Variants in DMD observed in about 807,000 individuals in gnomAD.
The protein encoded by DMD is dystrophin.
In DMD, 63 loss-of-function variants were observed where a neutral mutation model predicts 330.1. That is an observed-to-expected ratio of 0.19 (90% confidence interval 0.16 to 0.24). The LOEUF is 0.24. Ranked by LOEUF, DMD falls within the 10% of genes least tolerant of loss-of-function variation. The pLI is 1.00. For missense variants in DMD, 3,344 were observed against 2,684.1 expected, an observed-to-expected ratio of 1.25 and a Z score of -5.43; for synonymous variants, 1,223 against 959.8, an observed-to-expected ratio of 1.27 and a Z score of -5.07.
chrX:32,635,650 G>C (rs1048359993), intron 11 of DMD, among the ~76,000 whole-genome samples: 6 of 111,982 alleles, frequency 5.4e-5, no homozygotes, highest in African/African-American at 2.0e-4. Flanking sequence ...TATGCACATA[G>C]TTTTTTGTTG....
rs1245481335 is a variant in DMD at position 31,198,743 on chromosome X, T to G, written c.9807+5218A>C. Among the ~76,000 whole-genome samples, 3 of 111,960 alleles carry G rather than the reference T, an allele frequency of 2.7e-5. No homozygotes were observed. In the East Asian group the frequency reaches 8.4e-4, roughly 31 times the overall value. On this transcript the variant is annotated intron_variant, in intron 67 of 78. Coordinates refer to ENST00000357033, the MANE Select transcript of DMD (RefSeq NM_004006.3). ...CGTTGATCTTATGGGACCACCATAG[T>G]ATATATGGCCTGTCATTGACCAAAA...
chrX:31,702,557 T>C (rs1056026084), intron 52 of DMD, among the ~76,000 whole-genome samples: 1 of 111,795 alleles, frequency 8.9e-6, no homozygotes, highest in Non-Finnish European at 1.9e-5. Context: ...CTGGCCTCTA[T>C]ATCATTCATC....
rs962291177 is a variant in DMD at position 31,814,298 on chromosome X, A to G, written c.7309+5677T>C. Among the ~76,000 whole-genome samples, 11 of 106,270 alleles carry G rather than the reference A, an allele frequency of 1.0e-4. No individual in the cohort carries two copies. In the South Asian group the frequency reaches 2.5e-3, roughly 25 times the overall value. 92.3% of individuals were successfully genotyped at this position (106,270 alleles called of 115,157 possible). ...AGATCGAGACCATCCTGGCTAACAC[A>G]GTGAAACCCCGTCTCTACTAAAAAA... On this transcript the variant is annotated intron_variant, in intron 50 of 78. Coordinates refer to ENST00000357033, the MANE Select transcript of DMD (RefSeq NM_004006.3).
chrX:32,494,192 A>G (rs765768754), intron 19 of DMD, among the ~76,000 whole-genome samples: 1 of 111,620 alleles, frequency 9.0e-6, no homozygotes, highest in Non-Finnish European at 1.9e-5. Context: ...CATTACACAA[A>G]ACTCTATGTT....
At chrX:31,472,209 T>C (rs1162615002) in intron 59 of DMD, among the ~76,000 whole-genome samples, 1 of 112,222 alleles carries the variant, frequency 8.9e-6, no homozygotes, top group Non-Finnish European at 1.9e-5. Flanking sequence ...ATATCACAAG[T>C]TTATTCAGAG....
At chrX:32,802,661 T>C (rs1421494144) in intron 7 of DMD, among the ~76,000 whole-genome samples, 1 of 111,849 alleles carries the variant, frequency 8.9e-6, no homozygotes, top group African/African-American at 3.3e-5. Flanking sequence ...ATACCTAGTT[T>C]ATTGAAAATT....
At chrX:32,243,771 ATCGAC>A (rs957547489) in intron 43 of DMD, among the ~76,000 whole-genome samples, 85 of 111,529 alleles carry the variant, frequency 7.6e-4, no homozygotes, top group African/African-American at 2.6e-3. Flanking sequence ...TTTCCAGCAC[ATCGAC>A]TCAAGTTAAA....
chrX:32,497,355 T>C (rs1190682732), intron 19 of DMD, among the ~76,000 whole-genome samples: 1 of 112,086 alleles, frequency 8.9e-6, no homozygotes, highest in Non-Finnish European at 1.9e-5. Context: ...TTCTTTAGTC[T>C]AATATACTAA....
At chrX:31,526,430 C>T (rs2073242373) in intron 55 of DMD, among the ~76,000 whole-genome samples, 1 of 111,806 alleles carries the variant, frequency 8.9e-6, no homozygotes, top group Non-Finnish European at 1.9e-5. Context: ...GAACCCCAAA[C>T]TCAAATTTCC....
At chrX:33,077,220 C>T (rs1402039236) in intron 1 of DMD, among the ~76,000 whole-genome samples, 1 of 111,239 alleles carries the variant, frequency 9.0e-6, no homozygotes, top group Non-Finnish European at 1.9e-5. Context: ...GTCCTACAAA[C>T]GCAAGTCCCA....
chrX:32,584,577 T>C (rs1377091746), intron 13 of DMD, among the ~76,000 whole-genome samples: 1 of 112,308 alleles, frequency 8.9e-6, no homozygotes, highest in African/African-American at 3.2e-5. Context: ...AAAGTAATTC[T>C]ATCCAGCGAT....
intron 60 of DMD, among the ~76,000 whole-genome samples, chrX:31,355,491 C>A (rs2058622848): frequency 8.9e-6 from 1 of 112,357 alleles, no homozygotes; most frequent in South Asian, 3.7e-4. Context: ...ACAGACATGA[C>A]ACTTACACAA....
At chrX:31,830,081 C>T (rs1176358583) in intron 49 of DMD, among the ~76,000 whole-genome samples, 1 of 112,111 alleles carries the variant, frequency 8.9e-6, no homozygotes, top group East Asian at 2.8e-4. Flanking sequence ...CCTGAAATAA[C>T]CTCAAGAGAT....
chrX:31,334,927 T>C (rs1236884073), intron 61 of DMD, among the ~76,000 whole-genome samples: 1 of 111,592 alleles, frequency 9.0e-6, no homozygotes, highest in Non-Finnish European at 1.9e-5. Flanking sequence ...TTTTACTGTT[T>C]CCTCCACCTG....
chrX:32,520,221 CATA>C (rs1259886448), intron 17 of DMD, among the ~76,000 whole-genome samples: 2 of 111,523 alleles, frequency 1.8e-5, no homozygotes, highest in African/African-American at 3.3e-5. Flanking sequence ...TTTCTTCATT[CATA>C]ATGTTGATTA....
In DMD at chrX:32,628,974, G is replaced by A. The variant is rs961853809; in HGVS notation, c.1332-14521C>T. Among the ~76,000 whole-genome samples the A allele has an allele frequency of 4.6e-4, 52 of 112,016 alleles. 1 individual carries two copies. Among genetic ancestry groups the A allele is most frequent in the African/African-American group, 1.7e-3 (51 of 30,822 alleles). ...AAAATTATCCATGTGCTGAGAAGAA[G>A]AATATGTACTCTGCAGCTGTTGGAT... On this transcript the variant is annotated intron_variant, in intron 11 of 78. Coordinates refer to ENST00000357033, the MANE Select transcript of DMD (RefSeq NM_004006.3).
chrX:31,549,765 A>G (rs1007019826), intron 55 of DMD, among the ~76,000 whole-genome samples: 1 of 112,515 alleles, frequency 8.9e-6, no homozygotes, highest in African/African-American at 3.2e-5. Context: ...ACACATTCAT[A>G]AATTCATGCT....
At chrX:32,961,449 A>T (rs2039481960) in intron 2 of DMD, among the ~76,000 whole-genome samples, 1 of 111,105 alleles carries the variant, frequency 9.0e-6, no homozygotes, top group South Asian at 3.7e-4. Flanking sequence ...AAATTCTAAT[A>T]AGGCAGAGCC....
chrX:32,426,956 A>G (rs1321524578), intron 29 of DMD, among the ~76,000 whole-genome samples: 1 of 111,467 alleles, frequency 9.0e-6, no homozygotes, highest in African/African-American at 3.3e-5. Flanking sequence ...CTACTTGAGG[A>G]TAGAGAATGG....
Sources: allele counts gnomAD v4.1 joint callset (sites outside exome capture counted in the v4.1 genomes callset), GRCh38; gene constraint gnomAD v4.1.1; transcripts MANE v1.5; gene names NCBI Gene and HGNC (gene_info 2026-07-23, HGNC 2026-07-21).